The following KIF13A variants were observed in gnomAD, a reference collection of about 807,000 sequenced individuals.
KIF13A encodes kinesin-like protein KIF13A.
KIF13A carries 79 observed loss-of-function variants against 212.2 expected under a neutral mutation model. That is an observed-to-expected ratio of 0.37 (90% CI 0.31 to 0.45). KIF13A has a LOEUF of 0.45. KIF13A is among the 20% of genes least tolerant of loss of function. The probability of loss-of-function intolerance (pLI) is 1.00; values close to 1 mark genes in which losing one functional copy is unlikely to be tolerated. For missense variants in KIF13A, 1,901 were observed against 2,209.0 expected (o/e 0.86, Z 2.79); for synonymous variants, 789 against 808.6 (o/e 0.98, Z 0.41).
Position 17,828,143 on chromosome 6 carries a change from A to T in KIF13A, c.1532+97T>A. The T allele has an allele frequency of 7.8e-7, 1 of 1,285,956 alleles. No individual in the cohort carries two copies. The highest frequency in any genetic ancestry group is 1.1e-6 in the Non-Finnish European group (1 of 939,734). 79.7% of individuals were successfully genotyped at this position (1,285,956 alleles called of 1,614,324 possible). On this transcript the variant is annotated intron_variant, in intron 14 of 38. Coordinates refer to ENST00000259711, the MANE Select transcript of KIF13A (RefSeq NM_022113.6). The surrounding 1 kb of genome is among the most constrained non-coding windows in gnomAD (Gnocchi z 4.3). ...CCCCTGAGGACCCCCATGTATCCTTAACTTTAATATAGCTGAAAGCAAACA... is the reference window on the plus strand; with the variant it reads ...CCCCTGAGGACCCCCATGTATCCTTTACTTTAATATAGCTGAAAGCAAACA...
chr6:17,910,572 TTA>T (rs990223244), intron 2 of KIF13A, among the ~76,000 whole-genome samples: 2 of 149,604 alleles, frequency 1.3e-5, no homozygotes, highest in East Asian at 4.0e-4. Context: ...ACAATTTTTT[TTA>T]AAATTAACTG....
At chr6:17,958,937 G>C (rs1292719459) in intron 2 of KIF13A, among the ~76,000 whole-genome samples, 1 of 131,546 alleles carries the variant, frequency 7.6e-6, no homozygotes, top group Non-Finnish European at 1.5e-5. Flanking sequence ...CTAGAGTGCA[G>C]TAGTGCAATC....
chr6:17,880,915 TCTTAATGCATACAG>T (rs1319054544), intron 3 of KIF13A, among the ~76,000 whole-genome samples: 8 of 152,072 alleles, frequency 5.3e-5, no homozygotes, highest in African/African-American at 1.7e-4. Context: ...CCAGCAGACT[TCTTAATGCATACAG>T]CTGAGTAAAA....
intron 2 of KIF13A, among the ~76,000 whole-genome samples, chr6:17,901,623 C>T (rs57124661): frequency 0.054 from 8,176 of 152,236 alleles, 566 homozygotes; most frequent in African/African-American, 0.16. Context: ...TCTGAGTTCA[C>T]CCTACAAAAG....
At position 17,769,317 on chromosome 6, in the gene KIF13A, T is replaced by C. The variant is rs957475710; in HGVS notation, c.4581+1797A>G. 3.3e-5 allele frequency among the ~76,000 whole-genome samples: 5 copies of C among 152,312 alleles called. No homozygotes were observed. The highest frequency in any genetic ancestry group is 1.2e-4 in the African/African-American group (5 of 41,572). ...TTAAAGAGCCCAATTGCCTCTTAGG[T>C]GCAGAGTGCTCAGCAAGCCAGTTTC... On this transcript the variant is annotated intron_variant, in intron 38 of 38. Transcript: ENST00000259711. This position sits in a 1 kb window ranked among gnomAD's most constrained non-coding sequence, Gnocchi z 5.8.
intron 25 of KIF13A, among the ~76,000 whole-genome samples, chr6:17,793,590 A>T (rs1761785971): frequency 6.6e-6 from 1 of 152,146 alleles, no homozygotes; most frequent in South Asian, 2.1e-4. Context: ...CTGGTTTATT[A>T]TGACAGTGTA....
intron 38 of KIF13A, among the ~76,000 whole-genome samples, chr6:17,765,697 T>C (rs1019239067): frequency 6.6e-6 from 1 of 152,196 alleles, no homozygotes; most frequent in African/African-American, 2.4e-5. Flanking sequence ...GGTAAATACA[T>C]GCAAAAGTGG....
At chr6:17,796,323 T>A (rs2150326616) in intron 23 of KIF13A, among the ~76,000 whole-genome samples, 1 of 99,036 alleles carries the variant, frequency 1.0e-5, no homozygotes, top group African/African-American at 3.7e-5. Context: ...AATAATTTAT[T>A]TTTTTATAAA....
At position 17,771,289 on chromosome 6, in the gene KIF13A, T is replaced by C; in HGVS notation, c.4477-71A>G. The C allele has an allele frequency of 1.0e-6, 1 of 955,684 alleles. No homozygotes were observed. The highest frequency in any genetic ancestry group is 1.6e-6 in the Non-Finnish European group (1 of 607,522). The allele number at this position is 955,684 out of a possible 1,614,324, so 59.2% of individuals were successfully genotyped here. A position where few individuals can be genotyped will look rare whatever the true frequency, so the allele number is the denominator to read the frequency against. ...ACGGCCAAAATACATATTAAGTACATGCAAGTTAGAAAAGCAATGCTAACA... is the reference window on the plus strand; with the variant it reads ...ACGGCCAAAATACATATTAAGTACACGCAAGTTAGAAAAGCAATGCTAACA... On this transcript the variant is annotated intron_variant, in intron 37 of 38. Coordinates refer to ENST00000259711, the MANE Select transcript of KIF13A (RefSeq NM_022113.6). The surrounding 1 kb of genome is among the most constrained non-coding windows in gnomAD (Gnocchi z 5.4).
intron 14 of KIF13A, among the ~76,000 whole-genome samples, chr6:17,827,672 C>T (rs1765090853): frequency 1.3e-5 from 2 of 151,940 alleles, no homozygotes; most frequent in Admixed American, 1.3e-4. Flanking sequence ...AATTGAACAC[C>T]ATGCCCGGCT....
intron 2 of KIF13A, among the ~76,000 whole-genome samples, chr6:17,959,780 T>A (rs1416115476): frequency 6.6e-6 from 1 of 152,186 alleles, no homozygotes; most frequent in Non-Finnish European, 1.5e-5. Context: ...TCCCAGCACT[T>A]TGGGAGGCCG....
intron 16 of KIF13A, 132 bp from the exon 17 acceptor site, chr6:17,817,365 C>T (rs1764041371): frequency 1.4e-6 from 1 of 704,470 alleles, no homozygotes; most frequent in Admixed American, 2.7e-5. Context: ...TGTGAGAGGC[C>T]TGAGGGGCCA....
Position 17,968,291 on chromosome 6 carries a change from A to C in KIF13A, c.146+18763T>G, listed in dbSNP as rs937589746. On this transcript the variant is annotated intron_variant, in intron 2 of 38. Coordinates refer to ENST00000259711, the MANE Select transcript of KIF13A (RefSeq NM_022113.6). The surrounding 1 kb of genome is among the most constrained non-coding windows in gnomAD (Gnocchi z 4.7). ...GCTGTCCCAGATTCACAGGCAATGG[A>C]CTCCAGGTGGAGCTGGAGGAAGAGG... Among the ~76,000 whole-genome samples, 3 of 152,104 alleles carry C rather than the reference A, an allele frequency of 2.0e-5. No homozygotes were observed.
At chr6:17,945,268 C>T (rs1777285874) in intron 2 of KIF13A, among the ~76,000 whole-genome samples, 1 of 152,068 alleles carries the variant, frequency 6.6e-6, no homozygotes, top group African/African-American at 2.4e-5. Flanking sequence ...CAGAAGAGCA[C>T]ATACTGTATG....
chr6:17,821,836 A>T lies in KIF13A; in HGVS notation c.1786+3932T>A, dbSNP rs1764481115. The T allele has an allele frequency of 2.0e-6, 3 of 1,535,212 alleles. No individual in the cohort carries two copies. The Admixed American group carries it at 5.9e-5, about 30-fold the overall frequency. On this transcript the variant is annotated intron_variant, in intron 16 of 38. Transcript: ENST00000259711. Reference sequence around the variant, plus strand: ...CTTCGTCTGAAACCACATGAGAGGAAAGAGGATCTTCAAATAAGACCACCA... The same window carrying T: ...CTTCGTCTGAAACCACATGAGAGGATAGAGGATCTTCAAATAAGACCACCA...
rs766485836 is a variant in KIF13A, at chr6:17,787,442, C to T, written c.3361+334G>A. 2.5e-4 allele frequency among the ~76,000 whole-genome samples: 38 copies of T among 151,992 alleles called. No individual in the cohort carries two copies. Among genetic ancestry groups the T allele is most frequent in the Non-Finnish European group, 5.0e-4 (34 of 68,014 alleles). ...CTGAAGTGGGAGGATCACTTGAGTC[C>T]GGGAGTTTGAGACCAGCCTGGGCAA... On this transcript the variant is annotated intron_variant, in intron 27 of 38. Transcript: ENST00000259711. The surrounding 1 kb of genome is among the most constrained non-coding windows in gnomAD (Gnocchi z 4.6).
chr6:17,972,403 G>A (rs1779881195), intron 2 of KIF13A, among the ~76,000 whole-genome samples: 1 of 152,130 alleles, frequency 6.6e-6, no homozygotes, highest in Non-Finnish European at 1.5e-5. Context: ...CCTTACAAAG[G>A]TCCAATTACA....
At chr6:17,908,719 C>T (rs1376078166) in intron 2 of KIF13A, among the ~76,000 whole-genome samples, 1 of 150,978 alleles carries the variant, frequency 6.6e-6, no homozygotes, top group Non-Finnish European at 1.5e-5. Context: ...ACCAGTTAAT[C>T]TATTTTCATT....
At chr6:17,905,058 G>T (rs1378739925) in intron 2 of KIF13A, among the ~76,000 whole-genome samples, 1 of 152,246 alleles carries the variant, frequency 6.6e-6, no homozygotes, top group Admixed American at 6.5e-5. Context: ...TGGGGCCCAG[G>T]ACGGCTTTCA....
Sources: allele counts gnomAD v4.1 joint callset (sites outside exome capture counted in the v4.1 genomes callset), GRCh38; gene constraint gnomAD v4.1.1; non-coding constraint Gnocchi (gnomAD v3.1); transcripts MANE v1.5; gene names NCBI Gene and HGNC (gene_info 2026-07-23, HGNC 2026-07-21).